Variants in ARHGAP15 observed in about 807,000 individuals in gnomAD.
ARHGAP15 encodes the protein Rho GTPase activating protein 15, also known as rho GTPase-activating protein 15.
Under a neutral mutation model 63.7 loss-of-function variants are expected in ARHGAP15, and 51 were observed. The observed-to-expected ratio is 0.80, with a 90% CI of 0.64 to 1.01. The LOEUF (loss-of-function observed/expected upper bound fraction) is 1.01. Among genes scored for constraint, ARHGAP15 ranks in the 50% least tolerant of loss-of-function variants. The pLI is 0.00. For missense variants in ARHGAP15, 560 were observed against 564.6 expected, an observed-to-expected ratio of 0.99 and a Z score of 0.08; for synonymous variants, 191 against 193.8, an observed-to-expected ratio of 0.99 and a Z score of 0.12.
chr2:143,760,677 A>C (rs1013390708), intron 13 of ARHGAP15, among the ~76,000 whole-genome samples: 2 of 152,184 alleles, frequency 1.3e-5, no homozygotes, highest in African/African-American at 2.4e-5. Context: ...TGGCCATGTT[A>C]GCTATCAAAA....
chr2:143,381,466 A>C (rs1285380995), intron 6 of ARHGAP15, among the ~76,000 whole-genome samples: 1 of 152,178 alleles, frequency 6.6e-6, no homozygotes, highest in Non-Finnish European at 1.5e-5. Context: ...ATTGAAAAAA[A>C]AATTGGCAGT....
intron 8 of ARHGAP15, among the ~76,000 whole-genome samples, chr2:143,446,578 C>T (rs1247675646): frequency 6.6e-6 from 1 of 151,566 alleles, no homozygotes; most frequent in Non-Finnish European, 1.5e-5. Flanking sequence ...GTGAGCCTGA[C>T]ACGATGGCAA....
chr2:143,764,448 C>A (rs188109384), intron 13 of ARHGAP15, among the ~76,000 whole-genome samples: 6 of 152,186 alleles, frequency 3.9e-5, no homozygotes, highest in South Asian at 2.1e-4. Context: ...TTCACTCCCC[C>A]ACATTTGGCC....
intron 8 of ARHGAP15, among the ~76,000 whole-genome samples, chr2:143,460,572 A>G (rs1329482265): frequency 2.0e-5 from 3 of 152,224 alleles, no homozygotes; most frequent in African/African-American, 7.2e-5. Flanking sequence ...GATCTCAAAT[A>G]TGAAGCACAA....
intron 5 of ARHGAP15, among the ~76,000 whole-genome samples, chr2:143,240,925 CAG>C (rs763135460): frequency 6.6e-6 from 1 of 152,082 alleles, no homozygotes; most frequent in Non-Finnish European, 1.5e-5. Flanking sequence ...TTAATAACCA[CAG>C]AAATCCATGA....
chr2:143,202,092 A>T (rs1454871372), intron 2 of ARHGAP15, 42 bp from the exon 3 acceptor site: 5 of 1,516,594 alleles, frequency 3.3e-6, no homozygotes, highest in Admixed American at 1.7e-5. Flanking sequence ...AACTCTATCA[A>T]GAAAAATTAT....
chr2:143,741,938 G>A (rs1685978186), intron 13 of ARHGAP15, among the ~76,000 whole-genome samples: 1 of 152,218 alleles, frequency 6.6e-6, no homozygotes, highest in Middle Eastern at 3.4e-3. Context: ...ATAGAAAAAG[G>A]AAGGGAAGAA....
intron 6 of ARHGAP15, among the ~76,000 whole-genome samples, chr2:143,262,695 C>G (rs941947963): frequency 2.6e-5 from 4 of 152,010 alleles, no homozygotes; most frequent in Admixed American, 6.6e-5. Flanking sequence ...TGCAACCTTA[C>G]TTTCTCATTA....
chr2:143,542,689 A>AATATCACAT (rs1214417011), intron 10 of ARHGAP15, among the ~76,000 whole-genome samples: 1 of 126,692 alleles, frequency 7.9e-6, no homozygotes, highest in South Asian at 2.6e-4. Flanking sequence ...TATGATATAT[A>AATATCACAT]GTATCACATA....
chr2:143,625,992 G>A (rs1353207897), intron 12 of ARHGAP15, among the ~76,000 whole-genome samples: 1 of 152,090 alleles, frequency 6.6e-6, no homozygotes, highest in Non-Finnish European at 1.5e-5. Context: ...TGGAAAGCAG[G>A]CCCTCCGAAT....
chr2:143,441,069 T>C (rs1462936378), intron 8 of ARHGAP15, among the ~76,000 whole-genome samples: 1 of 152,116 alleles, frequency 6.6e-6, no homozygotes, highest in Admixed American at 6.6e-5. Context: ...TGTAAATACT[T>C]AGCTCATAGC....
At chr2:143,159,105 A>G (rs1430530238) in intron 2 of ARHGAP15, among the ~76,000 whole-genome samples, 2 of 151,922 alleles carry the variant, frequency 1.3e-5, no homozygotes, top group Non-Finnish European at 1.5e-5. Flanking sequence ...ACAGAACGGC[A>G]TTACTTCATT....
intron 6 of ARHGAP15, among the ~76,000 whole-genome samples, chr2:143,360,038 T>A (rs1047251703): frequency 1.3e-5 from 2 of 151,916 alleles, no homozygotes; most frequent in African/African-American, 4.8e-5. Context: ...GAAAAGAAAG[T>A]GAGAAAATTT....
chr2:143,401,677 G>C (rs960364294), intron 6 of ARHGAP15, among the ~76,000 whole-genome samples: 1 of 151,900 alleles, frequency 6.6e-6, no homozygotes, highest in Non-Finnish European at 1.5e-5. Context: ...GAGCCTTGTA[G>C]TTTAGAATAT....
At chr2:143,168,260 C>A (rs1206033873) in intron 2 of ARHGAP15, among the ~76,000 whole-genome samples, 2 of 152,092 alleles carry the variant, frequency 1.3e-5, no homozygotes, top group African/African-American at 4.8e-5. Flanking sequence ...CAGCCTTGAA[C>A]TCCTGGGTGC....
intron 6 of ARHGAP15, among the ~76,000 whole-genome samples, chr2:143,295,017 C>A (rs1455697062): frequency 6.6e-6 from 1 of 151,996 alleles, no homozygotes; most frequent in Non-Finnish European, 1.5e-5. Context: ...CAGGGTGATG[C>A]TAAAGGAAAT....
At chr2:143,237,821 A>G (rs1422431775) in intron 5 of ARHGAP15, 1 of 152,212 alleles carries the variant, frequency 6.6e-6, no homozygotes, top group Non-Finnish European at 1.5e-5. Flanking sequence ...TAAAGCCAGT[A>G]TATTCAGTAG....
At chr2:143,529,116 C>A (rs951473572) in intron 10 of ARHGAP15, among the ~76,000 whole-genome samples, 3 of 152,074 alleles carry the variant, frequency 2.0e-5, no homozygotes, top group African/African-American at 7.2e-5. Context: ...TCTCCTCAAA[C>A]TGAACTTTTT....
At chr2:143,356,379 A>G (rs1318134563) in intron 6 of ARHGAP15, among the ~76,000 whole-genome samples, 2 of 152,120 alleles carry the variant, frequency 1.3e-5, no homozygotes, top group Admixed American at 6.5e-5. Context: ...TCCAGGAAAC[A>G]AAAGAAATTG....
Sources: gnomAD v4.1 joint callset for allele counts (sites outside exome capture counted in the v4.1 genomes callset) on GRCh38, gnomAD v4.1.1 for gene constraint, MANE v1.5 for transcripts, NCBI Gene and HGNC (gene_info 2026-07-23, HGNC 2026-07-21) for gene names.